RAP1GAP2: variants seen among roughly 807,000 people sequenced by gnomAD.
RAP1GAP2 encodes the protein RAP1 GTPase activating protein 2.
A neutral mutation model predicts 95.0 loss-of-function variants in RAP1GAP2; 27 were observed. The observed-to-expected ratio is 0.28, with a 90% CI of 0.21 to 0.39. RAP1GAP2 has a LOEUF of 0.39. RAP1GAP2 is among the 10% of genes least tolerant of loss of function. RAP1GAP2 has a pLI of 1.00. For synonymous variants in RAP1GAP2, 373 were observed against 380.9 expected, an observed-to-expected ratio of 0.98 and a Z score of 0.24; for missense variants, 771 against 970.0, an observed-to-expected ratio of 0.79 and a Z score of 2.72.
chr17:2,775,030 C>T (rs1312551744), upstream of RAP1GAP2, among the ~76,000 whole-genome samples: 4 of 151,118 alleles, frequency 2.6e-5, no homozygotes, highest in Admixed American at 2.0e-4. Context: ...AGTGGTTTCA[C>T]CATGTTGACC....
At chr17:2,935,902 T>G (rs2043293722) in intron 3 of RAP1GAP2, among the ~76,000 whole-genome samples, 1 of 152,080 alleles carries the variant, frequency 6.6e-6, no homozygotes, top group African/African-American at 2.4e-5. Flanking sequence ...ACGCGGCCGA[T>G]CTGGCGGGTT....
Position 2,998,434 on chromosome 17 carries a change from A to ATGC in RAP1GAP2, c.1200+61_1200+63dup, listed in dbSNP as rs2046041565. On this transcript the variant is annotated intron_variant, in intron 14 of 24. Coordinates refer to ENST00000254695, the MANE Select transcript of RAP1GAP2 (RefSeq NM_015085.5). ...GGCCTCGACACCTCACCCTGTGTGG[A>ATGC]TGCTGTGATATCAGAGGACACTAGT... 2.5e-6 allele frequency: 4 copies of ATGC among 1,571,832 alleles called. No homozygotes were observed. The South Asian group carries it at 4.5e-5, about 18-fold the overall frequency.
At chr17:2,770,075 A>G (rs1235168180) in intron 1 of RAP1GAP2, among the ~76,000 whole-genome samples, 1 of 137,760 alleles carries the variant, frequency 7.3e-6, no homozygotes, top group African/African-American at 2.7e-5. Flanking sequence ...TCGGTCTCAA[A>G]ACAAAAAAAA....
rs1423834592 is a variant in RAP1GAP2, at chr17:2,832,515, G to A, written c.80+31965G>A. Among the ~76,000 whole-genome samples, 207 of 137,604 alleles carry A rather than the reference G, an allele frequency of 1.5e-3. 1 individual carries two copies. Among genetic ancestry groups the A allele is most frequent in the African/African-American group, 5.1e-3 (183 of 36,062 alleles). The allele number at this position is 137,604 out of a possible 152,430, so 90.3% of individuals were successfully genotyped here. On this transcript the variant is annotated intron_variant, in intron 2 of 24. Coordinates refer to ENST00000254695, the MANE Select transcript of RAP1GAP2 (RefSeq NM_015085.5). Reference sequence around the variant, plus strand: ...GGAGGTTGCAGTGAGCCGAGATCGCGCCACTGCACTCCAGCCTGGGCGACA... The same window carrying A: ...GGAGGTTGCAGTGAGCCGAGATCGCACCACTGCACTCCAGCCTGGGCGACA...
intron 1 of RAP1GAP2, among the ~76,000 whole-genome samples, chr17:2,769,512 G>A (rs916652152): frequency 7.9e-5 from 12 of 151,194 alleles, no homozygotes; most frequent in Non-Finnish European, 1.2e-4. Flanking sequence ...CCGAGATCGC[G>A]CCACTGCACT....
At chr17:2,853,398 T>G (rs1015667080) in intron 2 of RAP1GAP2, among the ~76,000 whole-genome samples, 25 of 151,446 alleles carry the variant, frequency 1.7e-4, no homozygotes, top group African/African-American at 5.8e-4. Context: ...TTAAAAGCAG[T>G]GACAGCATCG....
intron 1 of RAP1GAP2, among the ~76,000 whole-genome samples, chr17:2,789,347 A>T (rs1183422719): frequency 1.3e-5 from 2 of 152,136 alleles, no homozygotes; most frequent in East Asian, 3.9e-4. Context: ...CGTGGCCGGC[A>T]TTATCAAATT....
chr17:2,926,109 C>T (rs2042946755), intron 3 of RAP1GAP2, among the ~76,000 whole-genome samples: 2 of 142,842 alleles, frequency 1.4e-5, no homozygotes, highest in Admixed American at 1.4e-4. Context: ...CCGGGCAACA[C>T]AGCAAGCCTC....
chr17:2,822,629 T>G (rs999150553), intron 2 of RAP1GAP2, among the ~76,000 whole-genome samples: 15 of 90,326 alleles, frequency 1.7e-4, no homozygotes, highest in Non-Finnish European at 2.9e-4. Context: ...TTTTTTTTGT[T>G]TTTTTTTTTT....
chr17:2,836,335 AAG>A lies in RAP1GAP2; in HGVS notation c.80+35786_80+35787del, dbSNP rs530399437. 1.5e-3 allele frequency among the ~76,000 whole-genome samples: 235 copies of A among 152,244 alleles called. 1 individual carries two copies. The highest frequency in any genetic ancestry group is 2.3e-3 in the Admixed American group (35 of 15,258). ...GAAAACTTTTGTAATTGGTAAGTTT[AAG>A]GAACCTGGCTTTGGCCGGGTGCAGT... On this transcript the variant is annotated intron_variant, in intron 2 of 24. Coordinates refer to ENST00000254695, the MANE Select transcript of RAP1GAP2 (RefSeq NM_015085.5).
At position 3,008,003 on chromosome 17, in the gene RAP1GAP2, C is replaced by T. The variant is rs2046388692; in HGVS notation, c.1360-8C>T. On this transcript the variant is annotated splice_region_variant and splice_polypyrimidine_tract_variant and intron_variant, in intron 16 of 24. Coordinates refer to ENST00000254695, the MANE Select transcript of RAP1GAP2 (RefSeq NM_015085.5). The surrounding 1 kb of genome is among the most constrained non-coding windows in gnomAD (Gnocchi z 4.2). ...CAGCTTCTCCATCCCCACCCTCTTC[C>T]CTTCTAGGACCGGACCAGGGCTGCC... is the stretch of plus-strand genomic sequence containing the variant. 1.2e-6 allele frequency: 2 copies of T among 1,613,188 alleles called. No individual in the cohort carries two copies. Among genetic ancestry groups the T allele is most frequent in the African/African-American group, 1.3e-5 (1 of 75,034 alleles).
intron 7 of RAP1GAP2, 75 bp downstream of exon 7, chr17:2,964,143 C>A: frequency 3.6e-6 from 4 of 1,104,894 alleles, no homozygotes; most frequent in Non-Finnish European, 4.8e-6. Flanking sequence ...AGGTACCAGG[C>A]GGTAGGGGAT....
At chr17:2,854,061 C>T in intron 2 of RAP1GAP2, 4 of 985,310 alleles carry the variant, frequency 4.1e-6, no homozygotes, top group Non-Finnish European at 4.8e-6. Context: ...TGGTGCTCAT[C>T]GGACTCCTGC....
upstream of RAP1GAP2, chr17:2,796,317 T>A: frequency 1.7e-6 from 1 of 590,976 alleles, no homozygotes; most frequent in Non-Finnish European, 3.0e-6. The surrounding 1 kb of genome is among the most constrained non-coding windows in gnomAD (Gnocchi z 4.7). Context: ...CCTCGGCCTA[T>A]CTTGGTGCCT....
intron 2 of RAP1GAP2, among the ~76,000 whole-genome samples, chr17:2,896,402 C>T (rs560456601): frequency 6.6e-6 from 1 of 152,272 alleles, no homozygotes; most frequent in South Asian, 2.1e-4. Flanking sequence ...AGCTGGCTTT[C>T]CCATGGCAGT....
rs773807028 is a variant in RAP1GAP2 at position 2,995,424 on chromosome 17, C to T, written c.1002C>T (p.His334=). ...TCCGGGACAGGGAGATCATGTTTCA[C>T]GTTTCCACAAAGCTGCCATTTACCG... ...TTFRDREIMF[H]VSTKLPFTDG... Residue 334 remains histidine (H), a synonymous_variant, in exon 13 of 25, where the codon CAC becomes CAT. Transcript: ENST00000254695. 8 of 1,613,814 alleles carry T rather than the reference C, an allele frequency of 5.0e-6. No individual in the cohort carries two copies. Among genetic ancestry groups the T allele is most frequent in the African/African-American group, 2.7e-5 (2 of 74,952 alleles).
chr17:3,018,407 G>A (rs1333920117), intron 18 of RAP1GAP2, among the ~76,000 whole-genome samples: 1 of 152,088 alleles, frequency 6.6e-6, no homozygotes, highest in Non-Finnish European at 1.5e-5. Flanking sequence ...GACAGCACCC[G>A]GGGTTGACCC....
intron 20 of RAP1GAP2, 107 bp downstream of exon 20, chr17:3,026,228 C>T (rs1331906861): frequency 7.7e-6 from 10 of 1,301,590 alleles, no homozygotes; most frequent in African/African-American, 1.5e-5. Context: ...CTCTGGAACT[C>T]TCCAGAACAC....
At chr17:2,769,592 A>G (rs1567634841) in intron 1 of RAP1GAP2, among the ~76,000 whole-genome samples, 1 of 151,760 alleles carries the variant, frequency 6.6e-6, no homozygotes, top group African/African-American at 2.4e-5. Context: ...TAAATAAAAT[A>G]AAATAAAATA....
Sources: allele counts gnomAD v4.1 joint callset (sites outside exome capture counted in the v4.1 genomes callset), GRCh38; gene constraint gnomAD v4.1.1; non-coding constraint Gnocchi (gnomAD v3.1); transcripts MANE v1.5; gene names NCBI Gene and HGNC (gene_info 2026-07-23, HGNC 2026-07-21).